Variants in AP1M1 observed in about 807,000 individuals in gnomAD.
AP1M1 encodes AP-1 complex subunit mu-1.
A neutral mutation model predicts 57.1 loss-of-function variants in AP1M1; 18 were observed. That is an observed-to-expected ratio of 0.32 (90% CI 0.22 to 0.47). The LOEUF is 0.47. Among genes scored for constraint, AP1M1 ranks in the 20% least tolerant of loss-of-function variants. AP1M1 has a pLI of 1.00. For missense variants in AP1M1, 362 were observed against 593.5 expected, an observed-to-expected ratio of 0.61 and a Z score of 4.05; for synonymous variants, 241 against 237.9, an observed-to-expected ratio of 1.01 and a Z score of -0.12.
chr19:16,214,052 C>CTTTT lies in AP1M1; in HGVS notation c.546+4886_546+4889dup, dbSNP rs71178658. Among the ~76,000 whole-genome samples the CTTTT allele has an allele frequency of 9.7e-3, 1,353 of 139,472 alleles. 19 individuals carry two copies. The highest frequency in any genetic ancestry group is 0.011 in the African/African-American group (436 of 37,964). The allele number at this position is 139,472 out of a possible 152,430, so 91.5% of individuals were successfully genotyped here. A position where few individuals can be genotyped will look rare whatever the true frequency, so the allele number is the denominator to read the frequency against. ...AGTAATGGCCTTTTCTTTCCTTTTT[C>CTTTT]TTTTTTTTTTTTTTGAGACAAAGTC... On this transcript the variant is annotated intron_variant, in intron 5 of 11. Transcript: ENST00000291439.
At chr19:16,211,422 A>G (rs760592692) in intron 5 of AP1M1, among the ~76,000 whole-genome samples, 2 of 152,074 alleles carry the variant, frequency 1.3e-5, no homozygotes, top group Non-Finnish European at 2.9e-5. Flanking sequence ...AGGAGTGGTG[A>G]GAGAGGGCAT....
intron 5 of AP1M1, among the ~76,000 whole-genome samples, chr19:16,218,657 T>C (rs964711980): frequency 6.6e-6 from 1 of 152,186 alleles, no homozygotes; most frequent in African/African-American, 2.4e-5. Flanking sequence ...GGGAGATGTT[T>C]CTCCTGGCTG....
chr19:16,236,742 C>G lies in AP1M1; in HGVS notation c.*2307C>G, dbSNP rs974168658. 1.3e-5 allele frequency: 2 copies of G among 152,226 alleles called. No individual in the cohort carries two copies. Among genetic ancestry groups the G allele is most frequent in the African/African-American group, 4.8e-5 (2 of 41,448 alleles). 9.4% of individuals were successfully genotyped at this position (152,226 alleles called of 1,614,324 possible). A position where few individuals can be genotyped will look rare whatever the true frequency, so the allele number is the denominator to read the frequency against. On this transcript the variant is annotated 3_prime_UTR_variant, in exon 12 of 12. Transcript: ENST00000291439. ...CAATCTGGTTTGCAGACAACCAGGC[C>G]AAGATGTTTATGACAGAAAACCTCC...
rs529422754 is a variant in AP1M1 at position 16,226,324 on chromosome 19, C to T, written c.547-97C>T. The T allele has an allele frequency of 6.1e-5, 88 of 1,438,140 alleles. 1 individual carries two copies. In the South Asian group the frequency reaches 1.1e-3, roughly 17 times the overall value. The allele number at this position is 1,438,140 out of a possible 1,614,324, so 89.1% of individuals were successfully genotyped here. On this transcript the variant is annotated intron_variant, in intron 5 of 11. Coordinates refer to ENST00000291439, the MANE Select transcript of AP1M1 (RefSeq NM_032493.4). ...GGGATGGGCTTGGAGGTGAGAAGGG[C>T]GTTGAGAGTGGGGTGGCCAGAGGGT... is the stretch of plus-strand genomic sequence containing the variant.
chr19:16,232,475 G>A (rs1161592485), intron 9 of AP1M1, among the ~76,000 whole-genome samples: 2 of 152,250 alleles, frequency 1.3e-5, no homozygotes, highest in Non-Finnish European at 2.9e-5. Flanking sequence ...GGGTCTGGCT[G>A]AGTGTTTGGG....
chr19:16,209,657 A>G (rs926141070), intron 5 of AP1M1, among the ~76,000 whole-genome samples: 3 of 152,030 alleles, frequency 2.0e-5, no homozygotes, highest in African/African-American at 7.3e-5. Flanking sequence ...CTATAATCAG[A>G]AAGATTAGGA....
chr19:16,201,121 C>T (rs2091445042), intron 1 of AP1M1, among the ~76,000 whole-genome samples: 1 of 152,170 alleles, frequency 6.6e-6, no homozygotes, highest in African/African-American at 2.4e-5. Context: ...GCACAAGAGA[C>T]CTGGACGTTA....
intron 5 of AP1M1, among the ~76,000 whole-genome samples, chr19:16,220,387 T>C (rs2145130280): frequency 6.6e-6 from 1 of 151,960 alleles, no homozygotes; most frequent in East Asian, 1.9e-4. Context: ...TTTGGGGTTT[T>C]TTTGTTTTTT....
rs149357060 is a variant in AP1M1, at chr19:16,225,275, T to C, written c.547-1146T>C. On this transcript the variant is annotated intron_variant, in intron 5 of 11. Transcript: ENST00000291439. ...CTCCTGCCACTCTGCAGACAGGAAA[T>C]GCAGGCCCTGCACATGTTAGCCTGG... Among the ~76,000 whole-genome samples the C allele has an allele frequency of 3.9e-3, 590 of 152,326 alleles. 6 individuals carry two copies. The highest frequency in any genetic ancestry group is 6.6e-3 in the Non-Finnish European group (450 of 68,012).
rs768576261 is a variant in AP1M1 at position 16,206,296 on chromosome 19, G to A, written c.200-45G>A. ...TCCATGAACCAGGATCTTCCAGGCA[G>A]CAGCCCCAGCCTCTGAATGCTCCTT... On this transcript the variant is annotated intron_variant, in intron 2 of 11. Transcript: ENST00000291439. This position sits in a 1 kb window ranked among gnomAD's most constrained non-coding sequence, Gnocchi z 4.3. 1 of 1,604,442 alleles carries A rather than the reference G, an allele frequency of 6.2e-7. No homozygotes were observed. The highest frequency in any genetic ancestry group is 8.5e-7 in the Non-Finnish European group (1 of 1,171,656).
At position 16,226,537 on chromosome 19, in the gene AP1M1, C is replaced by T; in HGVS notation, c.663C>T (p.Asp221=). 6.3e-7 allele frequency: 1 copy of T among 1,586,508 alleles called. No homozygotes were observed. Among genetic ancestry groups the T allele is most frequent in the Non-Finnish European group, 8.6e-7 (1 of 1,163,800 alleles). The change falls in exon 6 of 12, where the codon GAC becomes GAT. Residue 221 remains aspartate (D), a synonymous_variant. Coordinates refer to ENST00000291439, the MANE Select transcript of AP1M1 (RefSeq NM_032493.4). The part of the protein sequence containing the change: ...RLGLNDKVLF[D]NTGRGKSKSV... ...GCCTCAACGACAAGGTCCTCTTTGA[C>T]AACACGGGCCGTGAGTACCCTTGCC...
intron 5 of AP1M1, among the ~76,000 whole-genome samples, chr19:16,210,967 T>G (rs2091490825): frequency 6.6e-6 from 1 of 152,242 alleles, no homozygotes; most frequent in Non-Finnish European, 1.5e-5. Context: ...TTTAGCATTT[T>G]TAAATTGGGT....
intron 5 of AP1M1, among the ~76,000 whole-genome samples, chr19:16,213,519 G>A (rs557358795): frequency 1.1e-4 from 17 of 151,876 alleles, no homozygotes; most frequent in Non-Finnish European, 2.1e-4. Flanking sequence ...TTTTGAGACA[G>A]AGTCTTGCTG....
intron 9 of AP1M1, among the ~76,000 whole-genome samples, chr19:16,229,772 G>A (rs142886900): frequency 3.3e-5 from 5 of 152,314 alleles, no homozygotes; most frequent in Non-Finnish European, 5.9e-5. Flanking sequence ...TAATACTCCC[G>A]TCAGCCTTTC....
chr19:16,203,578 G>C lies in AP1M1; in HGVS notation c.162G>C (p.Gly54=), dbSNP rs766957694. Residue 54 remains glycine, a synonymous_variant, in exon 2 of 12, where the codon GGG becomes GGC. Coordinates refer to ENST00000291439, the MANE Select transcript of AP1M1 (RefSeq NM_032493.4). The surrounding 1 kb of genome is among the most constrained non-coding windows in gnomAD (Gnocchi z 4.6). ...GMLSPILAHG[G]VRFMWIKHNN... Reference sequence around the variant, plus strand: ...TGTCGCCCATCCTGGCCCACGGGGGGGTCCGTTTCATGTGGATCAAACACA... The same window carrying C: ...TGTCGCCCATCCTGGCCCACGGGGGCGTCCGTTTCATGTGGATCAAACACA... The C allele has an allele frequency of 2.5e-6, 4 of 1,613,834 alleles. No homozygotes were observed. The highest frequency in any genetic ancestry group is 1.7e-5 in the Admixed American group (1 of 59,946).
rs2091627533 is a variant in AP1M1, at chr19:16,236,997, A to G, written c.*2562A>G. 1 of 148,792 alleles carries G rather than the reference A, an allele frequency of 6.7e-6. No individual in the cohort carries two copies. The highest frequency in any genetic ancestry group is 2.1e-4 in the South Asian group (1 of 4,808). 9.2% of individuals were successfully genotyped at this position (148,792 alleles called of 1,614,324 possible). A position where few individuals can be genotyped will look rare whatever the true frequency, so the allele number is the denominator to read the frequency against. ...CAGAGACTCTGAATAGAAAAGAGCA[A>G]AATGCTGTTAAGACAGAGCTGTTAC... On this transcript the variant is annotated 3_prime_UTR_variant, in exon 12 of 12. Transcript: ENST00000291439.
chr19:16,225,326 A>G (rs558346301), intron 5 of AP1M1, among the ~76,000 whole-genome samples: 1 of 152,364 alleles, frequency 6.6e-6, no homozygotes, highest in South Asian at 2.1e-4. Context: ...GGGCCCAGGT[A>G]TCCAAGTCGG....
chr19:16,216,995 G>C (rs2145127116), intron 5 of AP1M1, among the ~76,000 whole-genome samples: 1 of 152,244 alleles, frequency 6.6e-6, no homozygotes, highest in Admixed American at 6.5e-5. Context: ...CCTCTGGGAG[G>C]GCATTTGTAG....
Position 16,207,296 on chromosome 19 carries a change from C to T in AP1M1, c.268-723C>T, listed in dbSNP as rs536764392. Among the ~76,000 whole-genome samples the T allele has an allele frequency of 5.9e-5, 9 of 152,034 alleles. No individual in the cohort carries two copies. Among genetic ancestry groups the T allele is most frequent in the South Asian group, 2.1e-4 (1 of 4,816 alleles). ...GGCGGTGAGGGCTTGGGGAAGGAGCCGAGGGTCACCTGGGAAGGCCCCACG... is the reference window on the plus strand; with the variant it reads ...GGCGGTGAGGGCTTGGGGAAGGAGCTGAGGGTCACCTGGGAAGGCCCCACG... On this transcript the variant is annotated intron_variant, in intron 3 of 11. Coordinates refer to ENST00000291439, the MANE Select transcript of AP1M1 (RefSeq NM_032493.4). The surrounding 1 kb of genome is among the most constrained non-coding windows in gnomAD (Gnocchi z 4.2).
Sources: allele counts gnomAD v4.1 joint callset (sites outside exome capture counted in the v4.1 genomes callset), GRCh38; gene constraint gnomAD v4.1.1; non-coding constraint Gnocchi (gnomAD v3.1); transcripts MANE v1.5; gene names NCBI Gene and HGNC (gene_info 2026-07-23, HGNC 2026-07-21).